SHROOM2: variants seen among roughly 807,000 people sequenced by gnomAD.
The protein encoded by SHROOM2 is shroom family member 2.
Under a neutral mutation model 75.9 loss-of-function variants are expected in SHROOM2, and 33 were observed. The ratio of observed to expected loss-of-function variants is 0.43; its 90% CI spans 0.33 to 0.58. The LOEUF (loss-of-function observed/expected upper bound fraction) is 0.58. SHROOM2 is among the 20% of genes least tolerant of loss of function. The pLI, the probability that SHROOM2 is intolerant of heterozygous loss-of-function variation, is 0.04. For synonymous variants in SHROOM2, 655 were observed against 663.6 expected, an observed-to-expected ratio of 0.99 and a Z score of 0.20; for missense variants, 1,434 against 1,461.2, an observed-to-expected ratio of 0.98 and a Z score of 0.30.
intron 5 of SHROOM2, among the ~76,000 whole-genome samples, chrX:9,913,742 T>C (rs780292852): frequency 4.4e-5 from 5 of 112,414 alleles, no homozygotes; most frequent in Non-Finnish European, 9.4e-5. Flanking sequence ...TTTGGAAATC[T>C]ACCTGGTAGC....
At chrX:9,789,107 G>A (rs2083633142) in intron 1 of SHROOM2, among the ~76,000 whole-genome samples, 1 of 111,531 alleles carries the variant, frequency 9.0e-6, no homozygotes, top group Non-Finnish European at 1.9e-5. Flanking sequence ...CCTGAGAATA[G>A]GCTTTATTTA....
chrX:9,925,817 G>C (rs2084588472), intron 5 of SHROOM2, among the ~76,000 whole-genome samples: 1 of 112,447 alleles, frequency 8.9e-6, no homozygotes, highest in Non-Finnish European at 1.9e-5. Flanking sequence ...ATTATCCACG[G>C]GAAGTGTGTT....
chrX:9,828,118 A>T (rs1291576148), intron 1 of SHROOM2, among the ~76,000 whole-genome samples: 1 of 112,748 alleles, frequency 8.9e-6, no homozygotes, highest in East Asian at 2.8e-4. Context: ...GTGGAAGGGG[A>T]ATACGCACAT....
chrX:9,904,565 G>A (rs2084381610), intron 5 of SHROOM2, among the ~76,000 whole-genome samples: 1 of 111,774 alleles, frequency 8.9e-6, no homozygotes, highest in South Asian at 3.8e-4. Flanking sequence ...AGAGACTCCC[G>A]TAGCACGTGC....
Position 9,946,884 on chromosome X carries a change from G to A in SHROOM2, c.4798G>A (p.Glu1600Lys), listed in dbSNP as rs1172904695. 4.2e-6 allele frequency: 5 copies of A among 1,196,005 alleles called. No homozygotes were observed. Among genetic ancestry groups the A allele is most frequent in the Middle Eastern group, 2.3e-4 (1 of 4,328 alleles). The change falls in exon 10 of 10, where the codon GAA (glutamate) becomes AAA (lysine). Residue 1600 changes from glutamate (E) to lysine (K), a missense_variant. Around this residue, in one of 3 missense-constraint regions of SHROOM2, gnomAD observed 80 missense variants for 88.4 expected, o/e 0.90. Transcript: ENST00000380913. ...RELEDKIHLG[E>K]EQLKCLLDSL... is the part of the protein sequence containing the mutation. ...GCTGGAAGATAAAATCCACCTTGGT[G>A]AAGAGCAGCTGAAGTGCTTATTGGA...
intron 5 of SHROOM2, among the ~76,000 whole-genome samples, chrX:9,916,385 G>T (rs762696193): frequency 7.7e-4 from 87 of 112,452 alleles, no homozygotes; most frequent in African/African-American, 2.7e-3. Context: ...ATTTAGGGCT[G>T]CTGTTGGTGT....
intron 1 of SHROOM2, among the ~76,000 whole-genome samples, chrX:9,831,405 T>G (rs1008130792): frequency 2.7e-5 from 3 of 112,136 alleles, no homozygotes; most frequent in African/African-American, 9.7e-5. Flanking sequence ...ACGCCTGTAA[T>G]CCCAGCACTT....
intron 5 of SHROOM2, among the ~76,000 whole-genome samples, chrX:9,911,646 A>G: frequency 9.0e-6 from 1 of 110,565 alleles, no homozygotes; most frequent in Non-Finnish European, 1.9e-5. Context: ...TTAAATAGAG[A>G]TCATTGTGAA....
intron 1 of SHROOM2, among the ~76,000 whole-genome samples, chrX:9,811,320 A>C (rs1482216505): frequency 1.8e-5 from 2 of 111,756 alleles, no homozygotes; most frequent in Non-Finnish European, 3.8e-5. Flanking sequence ...CCCTGCCACC[A>C]TGGCCACTTT....
At chrX:9,806,545 A>G (rs1336977338) in intron 1 of SHROOM2, among the ~76,000 whole-genome samples, 1 of 105,120 alleles carries the variant, frequency 9.5e-6, no homozygotes, top group South Asian at 4.2e-4. Context: ...TGCCAGCACA[A>G]TCATCACATG....
chrX:9,889,528 A>G (rs2084279083), intron 2 of SHROOM2, among the ~76,000 whole-genome samples: 1 of 111,797 alleles, frequency 8.9e-6, no homozygotes. Context: ...CACGCCCAGC[A>G]GTGTTCCCCT....
At chrX:9,848,510 CAA>C (rs774991614) in intron 1 of SHROOM2, among the ~76,000 whole-genome samples, 6 of 22,034 alleles carry the variant, frequency 2.7e-4, no homozygotes, top group African/African-American at 4.6e-4. Context: ...GACTCCGTCT[CAA>C]AAAAAAAAAA....
chrX:9,845,720 G>A (rs1003714272), intron 1 of SHROOM2, among the ~76,000 whole-genome samples: 3 of 109,539 alleles, frequency 2.7e-5, no homozygotes, highest in Admixed American at 2.0e-4. Flanking sequence ...GTCTCACCCC[G>A]TCTGCTGCAG....
chrX:9,870,115 A>T (rs2084163716), intron 1 of SHROOM2, among the ~76,000 whole-genome samples: 1 of 111,567 alleles, frequency 9.0e-6, no homozygotes, highest in Admixed American at 9.6e-5. Flanking sequence ...AGTACCAGCT[A>T]TTCGGGAGAC....
chrX:9,801,035 A>G (rs2083721493), intron 1 of SHROOM2, among the ~76,000 whole-genome samples: 1 of 111,634 alleles, frequency 9.0e-6, no homozygotes, highest in Non-Finnish European at 1.9e-5. Flanking sequence ...TGGGTAATTT[A>G]TAAAGGAAAG....
intron 1 of SHROOM2, among the ~76,000 whole-genome samples, chrX:9,808,934 T>G (rs2083775090): frequency 9.0e-6 from 1 of 110,679 alleles, no homozygotes; most frequent in South Asian, 3.8e-4. Flanking sequence ...GGGTACAGTT[T>G]AGTGGTATTT....
chrX:9,809,466 A>G (rs1427208820), intron 1 of SHROOM2, among the ~76,000 whole-genome samples: 2 of 111,636 alleles, frequency 1.8e-5, no homozygotes, highest in Non-Finnish European at 3.8e-5. Flanking sequence ...GTATTCTTCA[A>G]TCCAATCAAG....
chrX:9,900,494 C>T (rs779001481), intron 5 of SHROOM2, among the ~76,000 whole-genome samples: 17 of 112,042 alleles, frequency 1.5e-4, no homozygotes, highest in African/African-American at 4.2e-4. Context: ...CTCTGATAAT[C>T]GATGCGTAGC....
chrX:9,800,056 A>C (rs1446676948), intron 1 of SHROOM2, among the ~76,000 whole-genome samples: 1 of 111,386 alleles, frequency 9.0e-6, no homozygotes, highest in Non-Finnish European at 1.9e-5. Context: ...CAGCCAGTTG[A>C]TCACCAATCC....
Sources: allele counts gnomAD v4.1 joint callset (sites outside exome capture counted in the v4.1 genomes callset), GRCh38; gene constraint gnomAD v4.1.1; regional missense constraint gnomAD v4.1.1; transcripts MANE v1.5; gene names NCBI Gene and HGNC (gene_info 2026-07-23, HGNC 2026-07-21).